DPP10: variants seen among roughly 807,000 people sequenced by gnomAD.
DPP10 encodes the protein inactive dipeptidyl peptidase 10.
A neutral mutation model predicts 120.9 loss-of-function variants in DPP10; 33 were observed. The ratio of observed to expected loss-of-function variants is 0.27; its 90% CI spans 0.21 to 0.37. The LOEUF (loss-of-function observed/expected upper bound fraction) is 0.37, where lower values mean the gene tolerates loss of function less well. Among genes scored for constraint, DPP10 ranks in the 10% least tolerant of loss-of-function variants. The probability of loss-of-function intolerance (pLI) is 1.00; values close to 1 mark genes in which losing one functional copy is unlikely to be tolerated. For synonymous variants in DPP10, 337 were observed against 326.1 expected, an observed-to-expected ratio of 1.03 and a Z score of -0.36; for missense variants, 816 against 942.8, an observed-to-expected ratio of 0.87 and a Z score of 1.76.
chr2:114,473,961 CGTT>C (rs1680156021), intron 1 of DPP10, among the ~76,000 whole-genome samples: 1 of 151,980 alleles, frequency 6.6e-6, no homozygotes, highest in African/African-American at 2.4e-5. Flanking sequence ...TGTTATTTTT[CGTT>C]GTTGTTTTTC....
intron 1 of DPP10, among the ~76,000 whole-genome samples, chr2:114,615,102 A>T (rs1425736515): frequency 6.6e-6 from 1 of 152,166 alleles, no homozygotes; most frequent in Non-Finnish European, 1.5e-5. Flanking sequence ...GATGGTTAAG[A>T]TTTAAAATAA....
intron 3 of DPP10, among the ~76,000 whole-genome samples, chr2:115,471,858 G>A (rs1158467433): frequency 6.6e-6 from 1 of 151,910 alleles, no homozygotes; most frequent in Non-Finnish European, 1.5e-5. Context: ...GGGCTCGAGT[G>A]ATCAACTGCC....
At chr2:115,308,256 T>G (rs2061436479) in intron 1 of DPP10, among the ~76,000 whole-genome samples, 1 of 152,134 alleles carries the variant, frequency 6.6e-6, no homozygotes, top group South Asian at 2.1e-4. Context: ...CTCTACGGCT[T>G]CTGGTGTGAT....
intron 1 of DPP10, among the ~76,000 whole-genome samples, chr2:114,991,569 C>T (rs963819270): frequency 2.6e-5 from 4 of 152,094 alleles, no homozygotes; most frequent in Non-Finnish European, 5.9e-5. Context: ...TACTTTACTC[C>T]GTGGCTACAA....
At chr2:115,177,251 C>G (rs936255652) in intron 1 of DPP10, among the ~76,000 whole-genome samples, 1 of 152,154 alleles carries the variant, frequency 6.6e-6, no homozygotes, top group Non-Finnish European at 1.5e-5. Context: ...TTTAGAAAAA[C>G]TTAAAATTGT....
chr2:115,804,857 C>G (rs1420490775), intron 19 of DPP10, among the ~76,000 whole-genome samples: 1 of 152,210 alleles, frequency 6.6e-6, no homozygotes, highest in Non-Finnish European at 1.5e-5. Flanking sequence ...GAGTGCCTCC[C>G]AGTTAGGCTA....
intron 5 of DPP10, among the ~76,000 whole-genome samples, chr2:115,555,950 T>A (rs923532384): frequency 2.3e-4 from 35 of 152,250 alleles, no homozygotes; most frequent in African/African-American, 8.4e-4. Context: ...GCAAATAGAT[T>A]GGCAAGCAAA....
chr2:115,007,369 C>T (rs1403259360), intron 1 of DPP10, among the ~76,000 whole-genome samples: 1 of 152,160 alleles, frequency 6.6e-6, no homozygotes, highest in African/African-American at 2.4e-5. Context: ...TGACAAAATT[C>T]AACAACCTTT....
chr2:114,630,472 C>G (rs1694838750), intron 1 of DPP10, among the ~76,000 whole-genome samples: 1 of 152,112 alleles, frequency 6.6e-6, no homozygotes, highest in African/African-American at 2.4e-5. Context: ...CAATTCTCTT[C>G]CCCCTCACCC....
chr2:115,025,268 C>T (rs987858079), intron 1 of DPP10, among the ~76,000 whole-genome samples: 2 of 152,052 alleles, frequency 1.3e-5, no homozygotes, highest in African/African-American at 4.8e-5. Context: ...TCTTTCTGTG[C>T]TTGACTTATT....
intron 1 of DPP10, among the ~76,000 whole-genome samples, chr2:114,477,951 A>G (rs1003102785): frequency 6.8e-6 from 1 of 147,688 alleles, no homozygotes; most frequent in Non-Finnish European, 1.5e-5. Flanking sequence ...ATATGTACAT[A>G]TATGTGTGTA....
chr2:115,133,970 G>A (rs1052744948), intron 1 of DPP10, among the ~76,000 whole-genome samples: 8 of 152,128 alleles, frequency 5.3e-5, no homozygotes, highest in Non-Finnish European at 1.2e-4. Context: ...TTGTCCCCAC[G>A]TTAACAGACA....
At chr2:115,792,746 A>G (rs1684125731) in intron 19 of DPP10, among the ~76,000 whole-genome samples, 1 of 152,202 alleles carries the variant, frequency 6.6e-6, no homozygotes, top group African/African-American at 2.4e-5. Context: ...AATCAAACCC[A>G]TCTTCTATCT....
intron 1 of DPP10, among the ~76,000 whole-genome samples, chr2:115,039,494 G>A (rs1241166278): frequency 5.3e-5 from 8 of 152,050 alleles, no homozygotes; most frequent in African/African-American, 1.9e-4. Flanking sequence ...CCAAGGAAAG[G>A]GTAAGCATGA....
chr2:114,999,030 C>A (rs1229206640), intron 1 of DPP10, among the ~76,000 whole-genome samples: 1 of 152,144 alleles, frequency 6.6e-6, no homozygotes, highest in Non-Finnish European at 1.5e-5. Context: ...TGCAAATTGT[C>A]CTGGAATACC....
intron 1 of DPP10, among the ~76,000 whole-genome samples, chr2:115,061,626 A>G (rs2105395777): frequency 6.6e-6 from 1 of 152,350 alleles, no homozygotes; most frequent in Admixed American, 6.5e-5. Flanking sequence ...ATCAATAATG[A>G]TGATGGTGAT....
At chr2:115,553,296 C>T (rs1302723480) in intron 5 of DPP10, among the ~76,000 whole-genome samples, 1 of 151,970 alleles carries the variant, frequency 6.6e-6, no homozygotes, top group East Asian at 1.9e-4. Context: ...TATTCAAATG[C>T]AGATTGTGTC....
intron 1 of DPP10, among the ~76,000 whole-genome samples, chr2:114,925,774 G>A (rs1172012952): frequency 6.6e-6 from 1 of 152,132 alleles, no homozygotes; most frequent in African/African-American, 2.4e-5. Flanking sequence ...TGTAGACCCT[G>A]TTACAAATAC....
At chr2:114,565,318 A>G (rs1689114727) in intron 1 of DPP10, among the ~76,000 whole-genome samples, 1 of 152,208 alleles carries the variant, frequency 6.6e-6, no homozygotes, top group African/African-American at 2.4e-5. Context: ...TCCTCAGCAA[A>G]TACCTATTGG....
Sources: gnomAD v4.1 joint callset for allele counts (sites outside exome capture counted in the v4.1 genomes callset) on GRCh38, gnomAD v4.1.1 for gene constraint, MANE v1.5 for transcripts, NCBI Gene and HGNC (gene_info 2026-07-23, HGNC 2026-07-21) for gene names.